The following MOXD1 variants were observed in gnomAD, a reference collection of about 807,000 sequenced individuals.
MOXD1 encodes the protein DBH-like monooxygenase protein 1.
MOXD1 carries 62 observed loss-of-function variants against 66.6 expected under a neutral mutation model. The observed-to-expected ratio is 0.93, with a 90% confidence interval of 0.76 to 1.15. MOXD1 has a LOEUF of 1.15. Ranked by LOEUF, MOXD1 falls within the 50% of genes most tolerant of loss-of-function variation. The pLI is 0.00. For missense variants in MOXD1, 847 were observed against 754.6 expected (o/e 1.12, Z -1.44); for synonymous variants, 303 against 281.9 (o/e 1.07, Z -0.75).
At chr6:132,390,305 G>C (rs1776733645) in intron 1 of MOXD1, 1 of 151,452 alleles carries the variant, frequency 6.6e-6, no homozygotes, top group African/African-American at 2.4e-5. Context: ...ATAATGCTTT[G>C]AATTGTACAC....
At chr6:132,383,098 A>C (rs1169721169) in intron 1 of MOXD1, among the ~76,000 whole-genome samples, 1 of 152,218 alleles carries the variant, frequency 6.6e-6, no homozygotes, top group Non-Finnish European at 1.5e-5. Context: ...TTTCTTCAAC[A>C]GGTGCTTGTA....
At chr6:132,329,203 G>A (rs902730183) in intron 4 of MOXD1, among the ~76,000 whole-genome samples, 1 of 152,160 alleles carries the variant, frequency 6.6e-6, no homozygotes, top group Non-Finnish European at 1.5e-5. Context: ...CTATGAGTGA[G>A]AACATGCGGT....
chr6:132,331,175 G>A (rs183350885), intron 4 of MOXD1, among the ~76,000 whole-genome samples: 13 of 152,272 alleles, frequency 8.5e-5, no homozygotes, highest in Middle Eastern at 6.8e-3. Flanking sequence ...GAGACTTGAC[G>A]TTTTTGGGTT....
intron 4 of MOXD1, among the ~76,000 whole-genome samples, chr6:132,355,965 G>A (rs527444789): frequency 2.0e-5 from 3 of 152,140 alleles, no homozygotes; most frequent in East Asian, 3.9e-4. Flanking sequence ...CATCCCGTTC[G>A]GCAAAAAAAG....
chr6:132,302,737 C>T (rs868474231), intron 10 of MOXD1, among the ~76,000 whole-genome samples: 4 of 151,954 alleles, frequency 2.6e-5, no homozygotes, highest in Non-Finnish European at 5.9e-5. Context: ...ATAGAATAAA[C>T]CTAGACTATC....
At chr6:132,384,068 CA>C (rs200732867) in intron 1 of MOXD1, among the ~76,000 whole-genome samples, 9 of 150,302 alleles carry the variant, frequency 6.0e-5, no homozygotes, top group East Asian at 1.9e-4. Context: ...GATTCTGTCT[CA>C]AAAAAAAATG....
chr6:132,359,525 C>A (rs1196519666), intron 4 of MOXD1, among the ~76,000 whole-genome samples: 1 of 133,618 alleles, frequency 7.5e-6, no homozygotes, highest in Non-Finnish European at 1.5e-5. Context: ...CTCGCTCTGT[C>A]GCCCAGGCTG....
chr6:132,398,247 T>A (rs1359944272), intron 1 of MOXD1, among the ~76,000 whole-genome samples: 2 of 152,208 alleles, frequency 1.3e-5, no homozygotes, highest in Admixed American at 6.5e-5. Flanking sequence ...ACTTGTGACA[T>A]CTATTAAGCC....
At chr6:132,381,795 T>G (rs1016556200) in intron 1 of MOXD1, among the ~76,000 whole-genome samples, 3 of 152,156 alleles carry the variant, frequency 2.0e-5, no homozygotes, top group Non-Finnish European at 4.4e-5. Context: ...TGAATACAGG[T>G]AAAGTCACTT....
In MOXD1 at chr6:132,323,981, TC is replaced by T. The variant is rs1775134559; in HGVS notation, c.1062del (p.Met355CysfsTer54). On this transcript the variant is annotated frameshift_variant, in exon 7 of 12. Coordinates refer to ENST00000367963, the MANE Select transcript of MOXD1 (RefSeq NM_015529.4). LOFTEE classifies it high-confidence loss of function. ...TGACCCTCAGACTGGAACTCAGGCA[TC>T]CCTGGAGGGATGGTATGGAAGAGGC... Reference protein sequence around the residue: ...WVSLFHTIPPGMPEFQSEGHC... With the variant: ...WVSLFHTIPPXMPEFQSEGHC... 1.9e-6 allele frequency: 3 copies of T among 1,613,852 alleles called. No individual in the cohort carries two copies. The highest frequency in any genetic ancestry group is 2.5e-6 in the Non-Finnish European group (3 of 1,179,976).
intron 1 of MOXD1, among the ~76,000 whole-genome samples, chr6:132,398,706 G>A (rs1304798360): frequency 6.6e-6 from 1 of 152,062 alleles, no homozygotes; most frequent in Admixed American, 6.5e-5. Context: ...TTAGGAGGCC[G>A]AGGCAGGTGG....
At chr6:132,347,591 C>T (rs181112169) in intron 4 of MOXD1, among the ~76,000 whole-genome samples, 142 of 151,884 alleles carry the variant, frequency 9.3e-4, no homozygotes, top group African/African-American at 3.1e-3. Flanking sequence ...GCAGGAGAAT[C>T]GCTTGAACTC....
chr6:132,303,867 A>G (rs866523247), intron 10 of MOXD1, among the ~76,000 whole-genome samples: 6 of 60,952 alleles, frequency 9.8e-5, no homozygotes, highest in African/African-American at 3.6e-4. Context: ...ATATATATAT[A>G]TATATATATA....
At chr6:132,387,751 TA>T (rs56728324) in intron 1 of MOXD1, among the ~76,000 whole-genome samples, 5,195 of 69,544 alleles carry the variant, frequency 0.075, 112 homozygotes, top group South Asian at 0.1. Flanking sequence ...AAACTCCATC[TA>T]AAAAAAAAAA....
At chr6:132,395,640 A>G (rs1174874678) in intron 1 of MOXD1, among the ~76,000 whole-genome samples, 2 of 152,162 alleles carry the variant, frequency 1.3e-5, no homozygotes, top group Non-Finnish European at 2.9e-5. Context: ...TACTCATCTC[A>G]CCTGTAAAGC....
At position 132,354,570 on chromosome 6, in the gene MOXD1, A is replaced by G. The variant is rs117964710; in HGVS notation, c.663+18038T>C. 5.8e-3 allele frequency among the ~76,000 whole-genome samples: 886 copies of G among 152,256 alleles called. 5 individuals carry two copies. The highest frequency in any genetic ancestry group is 8.8e-3 in the Admixed American group (134 of 15,302). The stretch of plus-strand genomic sequence containing the variant: ...CCAGTGGAGGTGGCAGGGAGATGAA[A>G]TGGGCTCTGTGAGGGTTCTTACCTT... On this transcript the variant is annotated intron_variant, in intron 4 of 11. Transcript: ENST00000367963.
chr6:132,333,501 AAGAAAGTCATGACCAT>A (rs1473524701), intron 4 of MOXD1, among the ~76,000 whole-genome samples: 2 of 152,228 alleles, frequency 1.3e-5, no homozygotes, highest in African/African-American at 4.8e-5. Context: ...CGAATTATTA[AAGAAAGTCATGACCAT>A]AGAAAGTATA....
At chr6:132,356,641 C>G (rs1057194598) in intron 4 of MOXD1, among the ~76,000 whole-genome samples, 1 of 151,820 alleles carries the variant, frequency 6.6e-6, no homozygotes, top group African/African-American at 2.4e-5. Flanking sequence ...TGTATGGCTG[C>G]AAAAATTATG....
chr6:132,358,568 G>T (rs932007991), intron 4 of MOXD1, among the ~76,000 whole-genome samples: 4 of 152,146 alleles, frequency 2.6e-5, no homozygotes, highest in Admixed American at 6.5e-5. Flanking sequence ...ATCTTGAGAA[G>T]ATATGAATTG....
Sources: allele counts gnomAD v4.1 joint callset (sites outside exome capture counted in the v4.1 genomes callset), GRCh38; gene constraint gnomAD v4.1.1; transcripts MANE v1.5; gene names NCBI Gene and HGNC (gene_info 2026-07-23, HGNC 2026-07-21).